Variants in ATRNL1 observed in about 807,000 individuals in gnomAD.
ATRNL1 encodes attractin-like protein 1.
In ATRNL1, 95 loss-of-function variants were observed where a neutral mutation model predicts 182.7. That is an observed-to-expected ratio of 0.52 (90% confidence interval 0.44 to 0.62). The LOEUF is 0.62. Ranked by LOEUF, ATRNL1 falls within the 20% of genes least tolerant of loss-of-function variation. ATRNL1 has a pLI of 0.00. For missense variants in ATRNL1, 1,471 were observed against 1,679.5 expected (o/e 0.88, Z 2.17); for synonymous variants, 576 against 568.3 (o/e 1.01, Z -0.19).
At chr10:115,835,532 G>C (rs933668301) in intron 27 of ATRNL1, among the ~76,000 whole-genome samples, 1 of 152,180 alleles carries the variant, frequency 6.6e-6, no homozygotes, top group Non-Finnish European at 1.5e-5. Flanking sequence ...AATTGGGAAA[G>C]GCAATAATAT....
intron 26 of ATRNL1, among the ~76,000 whole-genome samples, chr10:115,677,474 C>A (rs553773274): frequency 2.6e-5 from 4 of 151,930 alleles, no homozygotes; most frequent in Non-Finnish European, 5.9e-5. Context: ...GGGAGGGACC[C>A]AGGGGGAGGT....
chr10:115,726,819 A>G, intron 26 of ATRNL1, among the ~76,000 whole-genome samples: 1 of 151,634 alleles, frequency 6.6e-6, no homozygotes, highest in East Asian at 1.9e-4. Flanking sequence ...ATGCATTTTG[A>G]CAACTTTTCA....
At chr10:115,194,851 T>C (rs1214109407) in intron 8 of ATRNL1, among the ~76,000 whole-genome samples, 1 of 151,960 alleles carries the variant, frequency 6.6e-6, no homozygotes, top group East Asian at 1.9e-4. Flanking sequence ...TTTGTATATC[T>C]GTTTTAGGTT....
intron 21 of ATRNL1, among the ~76,000 whole-genome samples, chr10:115,448,105 T>C (rs548514597): frequency 6.6e-6 from 1 of 152,296 alleles, no homozygotes; most frequent in East Asian, 1.9e-4. Flanking sequence ...GTTGGCATTT[T>C]CTTATTGATT....
rs1319943309 is a variant in ATRNL1 at position 115,267,092 on chromosome 10, T to C, written c.1981+87T>C. The C allele has an allele frequency of 4.4e-6, 4 of 913,060 alleles. No homozygotes were observed. The African/African-American group carries it at 5.0e-5, about 11-fold the overall frequency. The allele number at this position is 913,060 out of a possible 1,614,324, so 56.6% of individuals were successfully genotyped here. ...TATCTTCTGCTTATAAGAATTACTT[T>C]AGTAGCTACAGAAATGAAAAATTTG... On this transcript the variant is annotated intron_variant, in intron 12 of 28. Transcript: ENST00000355044.
At chr10:115,785,842 T>A (rs1949384100) in intron 27 of ATRNL1, among the ~76,000 whole-genome samples, 1 of 152,134 alleles carries the variant, frequency 6.6e-6, no homozygotes, top group African/African-American at 2.4e-5. Context: ...TGCTTTGAAA[T>A]CTCCTTAGCT....
At chr10:115,361,126 G>A (rs115997617) in intron 19 of ATRNL1, among the ~76,000 whole-genome samples, 2,808 of 152,016 alleles carry the variant, frequency 0.018, 103 homozygotes, top group African/African-American at 0.065. Context: ...TGTGCATGTT[G>A]TGTTAGTCCT....
At chr10:115,391,321 T>A (rs1554954264) in intron 19 of ATRNL1, among the ~76,000 whole-genome samples, 3 of 152,080 alleles carry the variant, frequency 2.0e-5, no homozygotes, top group Non-Finnish European at 1.5e-5. Context: ...CAGAAGTAAT[T>A]GTGGAATATA....
chr10:115,651,441 C>A (rs1859996417), intron 26 of ATRNL1, among the ~76,000 whole-genome samples: 1 of 152,138 alleles, frequency 6.6e-6, no homozygotes, highest in South Asian at 2.1e-4. Flanking sequence ...TATTGGGTTT[C>A]ACTTGTAACT....
At chr10:115,919,437 G>A (rs1344828154) in intron 28 of ATRNL1, among the ~76,000 whole-genome samples, 3 of 152,028 alleles carry the variant, frequency 2.0e-5, no homozygotes, top group Non-Finnish European at 4.4e-5. Context: ...TCAGTGATAG[G>A]TACAGAAGGC....
chr10:115,941,192 T>C (rs986805899), intron 28 of ATRNL1, among the ~76,000 whole-genome samples: 3 of 152,244 alleles, frequency 2.0e-5, no homozygotes, highest in Non-Finnish European at 4.4e-5. Flanking sequence ...TGCAGTTGAT[T>C]GTTACATTTT....
chr10:115,338,135 C>A (rs1188631455), intron 19 of ATRNL1, among the ~76,000 whole-genome samples: 1 of 152,096 alleles, frequency 6.6e-6, no homozygotes, highest in Non-Finnish European at 1.5e-5. Context: ...GGTTGGGGAC[C>A]CCTGTGTAAT....
intron 27 of ATRNL1, among the ~76,000 whole-genome samples, chr10:115,767,646 A>G (rs1444615376): frequency 2.0e-5 from 3 of 151,996 alleles, no homozygotes; most frequent in African/African-American, 7.3e-5. Flanking sequence ...TCTCCCTAGA[A>G]TTTTCTTCAC....
At chr10:115,488,300 C>T (rs1592728016) in intron 24 of ATRNL1, among the ~76,000 whole-genome samples, 1 of 152,200 alleles carries the variant, frequency 6.6e-6, no homozygotes, top group East Asian at 1.9e-4. Flanking sequence ...GGAATGGTAC[C>T]AGTTCCTCTT....
At chr10:115,539,322 G>A (rs2133779454) in intron 25 of ATRNL1, among the ~76,000 whole-genome samples, 1 of 152,292 alleles carries the variant, frequency 6.6e-6, no homozygotes, top group Admixed American at 6.5e-5. Flanking sequence ...ATTCACCATA[G>A]GGTTCCAGTT....
At chr10:115,531,117 A>G (rs1427219738) in intron 25 of ATRNL1, among the ~76,000 whole-genome samples, 2 of 151,936 alleles carry the variant, frequency 1.3e-5, no homozygotes, top group African/African-American at 2.4e-5. Context: ...TAGCAGCATG[A>G]TTTATAGTCC....
intron 10 of ATRNL1, among the ~76,000 whole-genome samples, chr10:115,264,150 G>A (rs186191667): frequency 6.6e-6 from 1 of 151,306 alleles, no homozygotes; most frequent in African/African-American, 2.4e-5. Flanking sequence ...TGTTACGTAT[G>A]TATACATGTG....
At chr10:115,411,534 A>C (rs1845141632) in intron 20 of ATRNL1, among the ~76,000 whole-genome samples, 1 of 151,846 alleles carries the variant, frequency 6.6e-6, no homozygotes, top group Admixed American at 6.6e-5. Context: ...GAGTATGATT[A>C]TCTCTTTGCT....
At chr10:115,669,855 C>T (rs551170758) in intron 26 of ATRNL1, among the ~76,000 whole-genome samples, 8 of 152,074 alleles carry the variant, frequency 5.3e-5, no homozygotes, top group African/African-American at 1.9e-4. Flanking sequence ...ATGTTTTTCA[C>T]CTGAATTCCC....
Sources: allele counts gnomAD v4.1 joint callset (sites outside exome capture counted in the v4.1 genomes callset), GRCh38; gene constraint gnomAD v4.1.1; transcripts MANE v1.5; gene names NCBI Gene and HGNC (gene_info 2026-07-23, HGNC 2026-07-21).